The following STARD13 variants were observed in gnomAD, a reference collection of about 807,000 sequenced individuals.
The protein encoded by STARD13 is stAR-related lipid transfer protein 13.
Under a neutral mutation model 106.4 loss-of-function variants are expected in STARD13, and 62 were observed. The observed-to-expected ratio is 0.58, with a 90% CI of 0.48 to 0.72. The LOEUF is 0.72. Among genes scored for constraint, STARD13 ranks in the 30% least tolerant of loss-of-function variants. The pLI is 0.00. For synonymous variants in STARD13, 565 were observed against 553.0 expected, an observed-to-expected ratio of 1.02 and a Z score of -0.31; for missense variants, 1,387 against 1,424.0, an observed-to-expected ratio of 0.97 and a Z score of 0.42.
the STARD13 span, among the ~76,000 whole-genome samples, chr13:33,481,966 G>C: frequency 6.9e-6 from 1 of 144,706 alleles, no homozygotes; most frequent in Non-Finnish European, 1.5e-5. Context: ...CTGGGCTACA[G>C]AGCGAGACTC....
At chr13:33,516,117 T>C in the STARD13 span, among the ~76,000 whole-genome samples, 1 of 149,202 alleles carries the variant, frequency 6.7e-6, no homozygotes, top group Admixed American at 6.7e-5. Flanking sequence ...ACTTTGTATA[T>C]ATAACACTCT....
the STARD13 span, among the ~76,000 whole-genome samples, chr13:33,499,611 T>C: frequency 3.9e-5 from 3 of 76,978 alleles, no homozygotes; most frequent in African/African-American, 5.8e-5. Flanking sequence ...TTCTTTCTTC[T>C]TCTTCTTCTT....
At chr13:33,470,494 G>GCCTGTCTT in the STARD13 span, among the ~76,000 whole-genome samples, 181 of 152,254 alleles carry the variant, frequency 1.2e-3, no homozygotes, top group Non-Finnish European at 2.0e-3. Flanking sequence ...TTGCGGAATC[G>GCCTGTCTT]CCACACTGTC....
rs573503084 is a variant in STARD13, at chr13:33,113,134, A to G, written c.2282-203T>C. On this transcript the variant is annotated intron_variant, in intron 8 of 13. Transcript: ENST00000336934. ...TCATGGGAGGCAGAGCTGAGTCCCA[A>G]CCCTTGCAATTGAACTTTGGATCCC... 96 of 548,032 alleles carry G rather than the reference A, an allele frequency of 1.8e-4. No individual in the cohort carries two copies. In the African/African-American group the frequency reaches 1.8e-3, roughly 10 times the overall value. The allele number at this position is 548,032 out of a possible 1,614,324, so 33.9% of individuals were successfully genotyped here.
At chr13:33,364,083 A>T in the STARD13 span, among the ~76,000 whole-genome samples, 17 of 152,196 alleles carry the variant, frequency 1.1e-4, no homozygotes, top group Non-Finnish European at 1.8e-4. Flanking sequence ...TATTTGATCA[A>T]GCTGATTAAT....
intron 1 of STARD13, 31 bp downstream of exon 1, chr13:33,285,439 G>A (rs773880320): frequency 1.9e-5 from 30 of 1,600,114 alleles, no homozygotes; most frequent in Non-Finnish European, 2.4e-5. Flanking sequence ...AAATCAGAAT[G>A]AGCAACAGCC....
chr13:33,495,321 G>A, the STARD13 span, among the ~76,000 whole-genome samples: 1 of 152,122 alleles, frequency 6.6e-6, no homozygotes, highest in Non-Finnish European at 1.5e-5. Flanking sequence ...ACAGCTCAGT[G>A]GAAATGTGGA....
chr13:33,106,857 A>G lies in STARD13; in HGVS notation c.3125T>C (p.Leu1042Pro). The G allele has an allele frequency of 8.1e-6, 13 of 1,614,224 alleles. No homozygotes were observed. Among genetic ancestry groups the G allele is most frequent in the Non-Finnish European group, 1.1e-5 (13 of 1,180,038 alleles). ...LSVEHEEAQL[L>P]GGVRAVVMDS... is the part of the protein sequence containing the mutation. Reference sequence around the variant, plus strand: ...CATCACCACTGCTCGCACACCACCCAGGAGCTGGGCTTCCTCATGCTCCAC... The same window carrying G: ...CATCACCACTGCTCGCACACCACCCGGGAGCTGGGCTTCCTCATGCTCCAC... Residue 1042 changes from leucine (L) to proline (P), a missense_variant, in exon 13 of 14, where the codon CTG becomes CCG. Coordinates refer to ENST00000336934, the MANE Select transcript of STARD13 (RefSeq NM_178006.4).
the STARD13 span, among the ~76,000 whole-genome samples, chr13:33,493,547 A>G: frequency 6.6e-6 from 1 of 152,220 alleles, no homozygotes; most frequent in Non-Finnish European, 1.5e-5. Context: ...AGTAATAAAT[A>G]ATACAGAATA....
intron 1 of STARD13, among the ~76,000 whole-genome samples, chr13:33,181,627 C>T (rs778350112): frequency 6.6e-6 from 1 of 152,198 alleles, no homozygotes; most frequent in Non-Finnish European, 1.5e-5. Flanking sequence ...TTATGAAAGT[C>T]CTTTGCAAAC....
At chr13:33,115,627 A>G (rs1407975670) in intron 8 of STARD13, among the ~76,000 whole-genome samples, 1 of 152,204 alleles carries the variant, frequency 6.6e-6, no homozygotes, top group African/African-American at 2.4e-5. Flanking sequence ...CCAGGGATGA[A>G]CCATGCTGCC....
At chr13:33,604,499 T>A in the STARD13 span, among the ~76,000 whole-genome samples, 2 of 152,016 alleles carry the variant, frequency 1.3e-5, no homozygotes, top group Admixed American at 6.6e-5. Context: ...TAGAATAACT[T>A]AAGAATGCTA....
chr13:33,221,878 C>T (rs1008298026), intron 1 of STARD13, among the ~76,000 whole-genome samples: 15 of 152,130 alleles, frequency 9.9e-5, no homozygotes, highest in African/African-American at 2.7e-4. Context: ...AGGCTGGGTG[C>T]GGTGGCTCCC....
the STARD13 span, among the ~76,000 whole-genome samples, chr13:33,607,359 G>A: frequency 3.3e-5 from 5 of 149,926 alleles, no homozygotes; most frequent in East Asian, 3.9e-4. Flanking sequence ...GTGCAGTGGC[G>A]CAATCTCAGC....
At chr13:33,283,136 G>C (rs1049190986) in intron 1 of STARD13, among the ~76,000 whole-genome samples, 34 of 152,092 alleles carry the variant, frequency 2.2e-4, no homozygotes, top group African/African-American at 8.0e-4. Context: ...GTTTCCACTA[G>C]AGAAATATAA....
intron 1 of STARD13, among the ~76,000 whole-genome samples, chr13:33,299,241 T>G (rs1892620571): frequency 6.6e-6 from 1 of 152,194 alleles, no homozygotes; most frequent in Admixed American, 6.5e-5. Flanking sequence ...CACCGAATGA[T>G]GAATTTCTCA....
the STARD13 span, among the ~76,000 whole-genome samples, chr13:33,407,004 C>T: frequency 6.6e-6 from 1 of 152,286 alleles, no homozygotes; most frequent in South Asian, 2.1e-4. Context: ...CAGAAATTCA[C>T]TTAAAGGAAA....
At chr13:33,565,174 G>A in the STARD13 span, among the ~76,000 whole-genome samples, 4 of 146,522 alleles carry the variant, frequency 2.7e-5, 1 homozygote, top group East Asian at 8.2e-4. Context: ...TTAAAAAAAC[G>A]TGGATTTCAT....
the STARD13 span, among the ~76,000 whole-genome samples, chr13:33,363,956 A>C: frequency 6.6e-6 from 1 of 152,360 alleles, no homozygotes; most frequent in Non-Finnish European, 1.5e-5. Context: ...AAAAAGATAG[A>C]AAATGTACAT....
Sources: gnomAD v4.1 joint callset for allele counts (sites outside exome capture counted in the v4.1 genomes callset) on GRCh38, gnomAD v4.1.1 for gene constraint, MANE v1.5 for transcripts, NCBI Gene and HGNC (gene_info 2026-07-23, HGNC 2026-07-21) for gene names.